Variants in LMX1A observed in about 807,000 individuals in gnomAD.
LMX1A encodes the protein LIM homeobox transcription factor 1-alpha.
A neutral mutation model predicts 49.1 loss-of-function variants in LMX1A; 15 were observed. That is an observed-to-expected ratio of 0.31 (90% confidence interval 0.20 to 0.47). LMX1A has a LOEUF of 0.47. LMX1A is among the 20% of genes least tolerant of loss of function. The pLI is 1.00. For synonymous variants in LMX1A, 167 were observed against 185.7 expected (o/e 0.90, Z 0.82); for missense variants, 372 against 475.8 (o/e 0.78, Z 2.03).
intron 6 of LMX1A, among the ~76,000 whole-genome samples, chr1:165,209,354 C>T (rs1358847468): frequency 1.3e-5 from 2 of 152,102 alleles, no homozygotes; most frequent in African/African-American, 4.8e-5. Flanking sequence ...CAGAGTGATA[C>T]CTATGTGAAT....
rs921377008 is a variant in LMX1A at position 165,265,764 on chromosome 1, C to A, written c.264-16124G>T. 4.6e-5 allele frequency among the ~76,000 whole-genome samples: 7 copies of A among 152,190 alleles called. No individual in the cohort carries two copies. The South Asian group carries it at 8.3e-4, about 18-fold the overall frequency. On this transcript the variant is annotated intron_variant, in intron 3 of 8. Transcript: ENST00000342310. ...CTTAACTCCATGAAGAAAAATATTTCTTTCCCAAACTGCATGAGATGGGCA... is the reference window on the plus strand; with the variant it reads ...CTTAACTCCATGAAGAAAAATATTTATTTCCCAAACTGCATGAGATGGGCA...
At chr1:165,277,702 G>T (rs1654011188) in intron 3 of LMX1A, among the ~76,000 whole-genome samples, 1 of 152,122 alleles carries the variant, frequency 6.6e-6, no homozygotes, top group African/African-American at 2.4e-5. Context: ...TCTGCTGAGT[G>T]TACTCCAGCC....
chr1:165,313,301 G>C (rs1350753138), intron 3 of LMX1A, among the ~76,000 whole-genome samples: 2 of 152,106 alleles, frequency 1.3e-5, no homozygotes, highest in Non-Finnish European at 2.9e-5. Context: ...TAATGGCCTA[G>C]CTGATCTGAT....
At chr1:165,350,676 GA>G (rs1231023459) in intron 3 of LMX1A, among the ~76,000 whole-genome samples, 2 of 152,232 alleles carry the variant, frequency 1.3e-5, no homozygotes, top group East Asian at 3.9e-4. Context: ...AATTGGGATG[GA>G]GGATAGAGAA....
intron 3 of LMX1A, among the ~76,000 whole-genome samples, chr1:165,318,948 G>C (rs1655297767): frequency 6.7e-6 from 1 of 149,994 alleles, no homozygotes; most frequent in African/African-American, 2.5e-5. Flanking sequence ...TAGGTTTTCT[G>C]TTATCTGAAG....
chr1:165,304,862 C>T (rs534321445), intron 3 of LMX1A, among the ~76,000 whole-genome samples: 3 of 152,326 alleles, frequency 2.0e-5, no homozygotes, highest in Non-Finnish European at 2.9e-5. Flanking sequence ...CCCCTCTCCT[C>T]GTCTGCCAAA....
intron 3 of LMX1A, among the ~76,000 whole-genome samples, chr1:165,326,739 T>C (rs1655592964): frequency 6.6e-6 from 1 of 152,146 alleles, no homozygotes; most frequent in African/African-American, 2.4e-5. Context: ...AACTCAACCA[T>C]TTCCCCCAAA....
chr1:165,236,858 T>TG (rs1049230064), intron 4 of LMX1A, among the ~76,000 whole-genome samples: 5 of 151,772 alleles, frequency 3.3e-5, no homozygotes, highest in African/African-American at 1.2e-4. Flanking sequence ...CAAAGTTTTT[T>TG]TTTTTTTTTA....
At chr1:165,284,119 G>A (rs913018019) in intron 3 of LMX1A, among the ~76,000 whole-genome samples, 2 of 152,178 alleles carry the variant, frequency 1.3e-5, no homozygotes, top group Admixed American at 6.5e-5. Flanking sequence ...TTGCACAGGC[G>A]ATGCCAAACA....
rs899626839 is a variant in LMX1A at position 165,203,455 on chromosome 1, A to C, written c.*425T>G. ...ATTAGGAATAAACTTTGAGGGTAAA[A>C]TACGAAAGGTTACACACTCACACAC... On this transcript the variant is annotated 3_prime_UTR_variant, in exon 9 of 9. Transcript: ENST00000342310. 6.5e-6 allele frequency: 1 copy of C among 154,254 alleles called. No individual in the cohort carries two copies. The highest frequency in any genetic ancestry group is 2.4e-5 in the African/African-American group (1 of 41,472). The allele number at this position is 154,254 out of a possible 1,614,324, so 9.6% of individuals were successfully genotyped here.
At chr1:165,338,843 G>A (rs1655979550) in intron 3 of LMX1A, among the ~76,000 whole-genome samples, 1 of 152,196 alleles carries the variant, frequency 6.6e-6, no homozygotes, top group African/African-American at 2.4e-5. Flanking sequence ...AAGCTCAGAG[G>A]TCTGGCCCCT....
intron 4 of LMX1A, among the ~76,000 whole-genome samples, chr1:165,229,713 G>A (rs1443466836): frequency 1.4e-5 from 2 of 139,866 alleles, no homozygotes; most frequent in African/African-American, 5.3e-5. Context: ...TCAATCAGGA[G>A]GGTTTTTTTG....
chr1:165,274,791 G>C lies in LMX1A; in HGVS notation c.264-25151C>G, dbSNP rs59125460. On this transcript the variant is annotated intron_variant, in intron 3 of 8. Coordinates refer to ENST00000342310, the MANE Select transcript of LMX1A (RefSeq NM_177398.4). ...AAATTCCCCTAGAGGTGAAACACTGGTGGGAACCCATTCACAGGCAACCCT... is the reference window on the plus strand; with the variant it reads ...AAATTCCCCTAGAGGTGAAACACTGCTGGGAACCCATTCACAGGCAACCCT... Among the ~76,000 whole-genome samples the C allele has an allele frequency of 3.9e-3, 601 of 152,250 alleles. 4 individuals carry two copies. The highest frequency in any genetic ancestry group is 0.014 in the African/African-American group (568 of 41,540).
intron 3 of LMX1A, among the ~76,000 whole-genome samples, chr1:165,253,004 C>T (rs1343000803): frequency 1.3e-5 from 2 of 152,206 alleles, no homozygotes; most frequent in Admixed American, 1.3e-4. Context: ...ATATACCAAA[C>T]TCTGTGTCTT....
chr1:165,308,221 G>A (rs866618601), intron 3 of LMX1A, among the ~76,000 whole-genome samples: 1 of 152,176 alleles, frequency 6.6e-6, no homozygotes, highest in East Asian at 1.9e-4. Flanking sequence ...GGGAATACTC[G>A]CTGGACACCA....
chr1:165,242,268 A>G, intron 4 of LMX1A, among the ~76,000 whole-genome samples: 1 of 152,186 alleles, frequency 6.6e-6, no homozygotes, highest in East Asian at 1.9e-4. Context: ...TGCTGCGTTA[A>G]TCCAAAACAT....
At chr1:165,232,060 G>A (rs1231842026) in intron 4 of LMX1A, among the ~76,000 whole-genome samples, 1 of 152,206 alleles carries the variant, frequency 6.6e-6, no homozygotes, top group East Asian at 1.9e-4. Flanking sequence ...TGGTGCTTGG[G>A]TATACCCAAG....
At chr1:165,272,857 A>G (rs1420125840) in intron 3 of LMX1A, among the ~76,000 whole-genome samples, 5 of 152,146 alleles carry the variant, frequency 3.3e-5, no homozygotes, top group African/African-American at 1.2e-4. Context: ...CAGCCTGGAG[A>G]AGTCCCCAGA....
chr1:165,205,818 C>T, intron 8 of LMX1A, 46 bp downstream of exon 8: 1 of 1,584,686 alleles, frequency 6.3e-7, no homozygotes, highest in African/African-American at 1.3e-5. Context: ...GAATGAGAAA[C>T]CCACACAAGT....
Sources: gnomAD v4.1 joint callset for allele counts (sites outside exome capture counted in the v4.1 genomes callset) on GRCh38, gnomAD v4.1.1 for gene constraint, MANE v1.5 for transcripts, NCBI Gene and HGNC (gene_info 2026-07-23, HGNC 2026-07-21) for gene names.